Variants in ARHGEF10 observed in about 807,000 individuals in gnomAD.
ARHGEF10 encodes Rho guanine nucleotide exchange factor (GEF) 10.
Under a neutral mutation model 147.4 loss-of-function variants are expected in ARHGEF10, and 140 were observed. That is an observed-to-expected ratio of 0.95 (90% CI 0.83 to 1.09). The LOEUF (loss-of-function observed/expected upper bound fraction) is 1.09, where lower values mean the gene tolerates loss of function less well. Among genes scored for constraint, ARHGEF10 ranks in the 50% least tolerant of loss-of-function variants. The pLI, the probability that ARHGEF10 is intolerant of heterozygous loss-of-function variation, is 0.00. For synonymous variants in ARHGEF10, 902 were observed against 695.8 expected (o/e 1.30, Z -4.67); for missense variants, 2,222 against 1,752.7 (o/e 1.27, Z -4.78).
chr8:1,895,512 C>A (rs1401190688), intron 13 of ARHGEF10, among the ~76,000 whole-genome samples: 1 of 151,614 alleles, frequency 6.6e-6, no homozygotes, highest in Non-Finnish European at 1.5e-5. Context: ...TGCATAATAC[C>A]GTTTATGGAT....
Position 1,876,735 on chromosome 8 carries a change from GT to G in ARHGEF10, c.843+2del. 1 of 1,614,152 alleles carries G rather than the reference GT, an allele frequency of 6.2e-7. No homozygotes were observed. The highest frequency in any genetic ancestry group is 8.5e-7 in the Non-Finnish European group (1 of 1,180,016). The stretch of plus-strand genomic sequence containing the variant: ...CCTGCGCAGCAACCACAAAAAGCAA[GT>G]ACGTGTTCCCTGCACATGTGAGGGA... On this transcript the variant is annotated splice_donor_variant, in intron 8 of 28. Transcript: ENST00000349830. LOFTEE classifies it high-confidence loss of function.
chr8:1,909,156 C>A, intron 17 of ARHGEF10, 139 bp from the exon 18 acceptor site: 1 of 1,263,702 alleles, frequency 7.9e-7, no homozygotes, highest in Non-Finnish European at 1.1e-6. Context: ...AAGTCAGAAG[C>A]ACAATTACTA....
At chr8:1,850,685 A>G (rs1399385669) in intron 2 of ARHGEF10, among the ~76,000 whole-genome samples, 4 of 152,192 alleles carry the variant, frequency 2.6e-5, no homozygotes, top group Non-Finnish European at 4.4e-5. Flanking sequence ...ACTTGCAGCC[A>G]TGCCCCGGCG....
intron 26 of ARHGEF10, among the ~76,000 whole-genome samples, chr8:1,942,746 T>TCTCCTCCGC (rs1364826196): frequency 6.6e-6 from 1 of 152,132 alleles, no homozygotes; most frequent in Non-Finnish European, 1.5e-5. Flanking sequence ...TGAGGATTGG[T>TCTCCTCCGC]TTCAGCCATA....
Position 1,905,668 on chromosome 8 carries a change from G to A in ARHGEF10, c.1919G>A (p.Arg640Gln), listed in dbSNP as rs754235070. 12 of 1,614,032 alleles carry A rather than the reference G, an allele frequency of 7.4e-6. No individual in the cohort carries two copies. The highest frequency in any genetic ancestry group is 2.2e-5 in the South Asian group (2 of 91,084). The change falls in exon 17 of 29, where the codon CGA (arginine) becomes CAA (glutamine). Residue 640 changes from arginine to glutamine, a missense_variant. By Grantham distance (43) the Arg-to-Gln change is conservative. Transcript: ENST00000349830. ...RGEIVKTKERRVFMLNDVLMC... is the reference protein window; with the variant it reads ...RGEIVKTKERQVFMLNDVLMC... Reference sequence around the variant, plus strand: ...GAGATTGTTAAAACCAAAGAACGCCGAGTCTTCATGTTAAATGATGTGTTA... The same window carrying A: ...GAGATTGTTAAAACCAAAGAACGCCAAGTCTTCATGTTAAATGATGTGTTA...
intron 24 of ARHGEF10, 142 bp downstream of exon 24, chr8:1,928,792 T>C (rs1366153661): frequency 2.2e-6 from 2 of 891,966 alleles, no homozygotes; most frequent in African/African-American, 3.3e-5. Flanking sequence ...GGGAAATTTT[T>C]AGGGTCATTG....
chr8:1,829,213 C>G (rs1174327808), intron 1 of ARHGEF10, among the ~76,000 whole-genome samples: 2 of 152,204 alleles, frequency 1.3e-5, no homozygotes, highest in Non-Finnish European at 2.9e-5. Flanking sequence ...CCAGGGAGCT[C>G]CAGAGTTAAT....
intron 1 of ARHGEF10, among the ~76,000 whole-genome samples, chr8:1,832,695 GACAGGCAGAGGC>G (rs1803239585): frequency 1.4e-5 from 1 of 71,102 alleles, no homozygotes; most frequent in Admixed American, 1.4e-4. Flanking sequence ...GAGACAGAGA[GACAGGCAGAGGC>G]AGAGACAGAG....
intron 26 of ARHGEF10, 75 bp from the exon 27 acceptor site, chr8:1,945,406 A>C: frequency 2.0e-6 from 3 of 1,531,032 alleles, no homozygotes; most frequent in Non-Finnish European, 2.7e-6. Flanking sequence ...CTCCAGCTGG[A>C]CGCCACGTGG....
chr8:1,835,953 G>A (rs1015343197), intron 1 of ARHGEF10, among the ~76,000 whole-genome samples: 13 of 152,114 alleles, frequency 8.5e-5, no homozygotes. Flanking sequence ...AGGCCGAGGC[G>A]GGCAGATCAC....
chr8:1,834,430 G>A (rs1803459563), intron 1 of ARHGEF10, among the ~76,000 whole-genome samples: 2 of 152,160 alleles, frequency 1.3e-5, no homozygotes, highest in South Asian at 2.1e-4. Context: ...GGCCCAGGGA[G>A]GACCCTGGAG....
At chr8:1,825,491 A>C (rs1585186355) in intron 1 of ARHGEF10, among the ~76,000 whole-genome samples, 1 of 81,196 alleles carries the variant, frequency 1.2e-5, no homozygotes, top group Non-Finnish European at 2.5e-5. Context: ...CTCGCACCCC[A>C]GCTGTCCCCC....
chr8:1,941,586 T>C (rs1814094823), intron 26 of ARHGEF10, among the ~76,000 whole-genome samples: 1 of 152,190 alleles, frequency 6.6e-6, no homozygotes, highest in Non-Finnish European at 1.5e-5. Flanking sequence ...GCTGCCTTTT[T>C]TTTTTTAAAC....
chr8:1,882,827 GT>G (rs1808331949), intron 10 of ARHGEF10, 78 bp downstream of exon 10: 2 of 727,938 alleles, frequency 2.7e-6, no homozygotes, highest in African/African-American at 3.6e-5. Flanking sequence ...AGGACTCGGG[GT>G]GGGGGGCGGC....
At chr8:1,921,238 C>G (rs963394891) in intron 18 of ARHGEF10, among the ~76,000 whole-genome samples, 14 of 152,156 alleles carry the variant, frequency 9.2e-5, no homozygotes, top group Admixed American at 6.5e-5. Flanking sequence ...AATGGTTATG[C>G]TACTCCTCAG....
At chr8:1,923,712 A>G in intron 20 of ARHGEF10, 62 bp from the exon 21 acceptor site, 2 of 1,613,510 alleles carry the variant, frequency 1.2e-6, no homozygotes, top group Non-Finnish European at 8.5e-7. Flanking sequence ...AAAATGTGTA[A>G]TTTAACCTCA....
intron 28 of ARHGEF10, among the ~76,000 whole-genome samples, chr8:1,954,472 T>A (rs1190342294): frequency 6.7e-6 from 1 of 149,480 alleles, no homozygotes; most frequent in Admixed American, 6.7e-5. Context: ...ATTCCAACAT[T>A]AAAAAAAAAA....
At chr8:1,911,220 A>G (rs1811328349) in intron 18 of ARHGEF10, among the ~76,000 whole-genome samples, 1 of 152,182 alleles carries the variant, frequency 6.6e-6, no homozygotes, top group Non-Finnish European at 1.5e-5. Flanking sequence ...TTGGTGTTAT[A>G]TCTCCAGTTA....
intron 1 of ARHGEF10, among the ~76,000 whole-genome samples, chr8:1,824,466 C>G (rs747679645): frequency 6.6e-6 from 1 of 151,920 alleles, no homozygotes; most frequent in Non-Finnish European, 1.5e-5. Flanking sequence ...CTTAGATTTT[C>G]CGGTAAAGGA....
Sources: allele counts gnomAD v4.1 joint callset (sites outside exome capture counted in the v4.1 genomes callset), GRCh38; gene constraint gnomAD v4.1.1; transcripts MANE v1.5; gene names NCBI Gene and HGNC (gene_info 2026-07-23, HGNC 2026-07-21).